Variants in CCM2 observed in about 807,000 individuals in gnomAD.
CCM2 encodes cerebral cavernous malformations 2 protein.
Under a neutral mutation model 44.9 loss-of-function variants are expected in CCM2, and 25 were observed. The observed-to-expected ratio is 0.56, with a 90% confidence interval of 0.41 to 0.78. CCM2 has a LOEUF of 0.78. CCM2 is among the 30% of genes least tolerant of loss of function. CCM2 has a pLI of 0.00. For missense variants in CCM2, 481 were observed against 580.6 expected, an observed-to-expected ratio of 0.83 and a Z score of 1.76; for synonymous variants, 219 against 241.1, an observed-to-expected ratio of 0.91 and a Z score of 0.85.
chr7:45,070,700 G>C (rs1799026182), intron 6 of CCM2: 1 of 231,808 alleles, frequency 4.3e-6, no homozygotes, highest in Non-Finnish European at 8.9e-6. Context: ...TGTAATCCCA[G>C]CACTTTGGGA....
intron 1 of CCM2, among the ~76,000 whole-genome samples, chr7:45,018,639 C>T (rs1796359323): frequency 1.3e-5 from 2 of 151,980 alleles, no homozygotes; most frequent in East Asian, 1.9e-4. Flanking sequence ...AGCCACCATG[C>T]CCAGCTTCTT....
intron 1 of CCM2, among the ~76,000 whole-genome samples, chr7:45,017,804 A>G (rs1396483453): frequency 2.0e-5 from 3 of 152,206 alleles, no homozygotes; most frequent in African/African-American, 7.2e-5. Flanking sequence ...GCTGGAACCA[A>G]AACAGGCTTT....
intron 6 of CCM2, 175 bp from the exon 7 acceptor site, chr7:45,072,551 C>T (rs1191728461): frequency 5.8e-6 from 4 of 685,038 alleles, no homozygotes; most frequent in African/African-American, 1.8e-5. Context: ...TCTGGGAAGC[C>T]CTGCCCTGAG....
intron 8 of CCM2, chr7:45,073,785 T>G: frequency 1.7e-6 from 1 of 579,908 alleles, no homozygotes; most frequent in Non-Finnish European, 3.1e-6. Context: ...GGGAGTGCTG[T>G]GGCCGTCAGG....
chr7:45,069,650 C>G (rs947328509), intron 5 of CCM2, among the ~76,000 whole-genome samples, 176 bp from the exon 6 acceptor site: 2 of 152,234 alleles, frequency 1.3e-5, no homozygotes, highest in Admixed American at 1.3e-4. Flanking sequence ...GGGCAGTTGG[C>G]TGGGTCTCTC....
chr7:45,064,542 C>T lies in CCM2; in HGVS notation c.368C>T (p.Ala123Val), dbSNP rs752321250. 2.5e-6 allele frequency: 4 copies of T among 1,613,828 alleles called. No individual in the cohort carries two copies. Among genetic ancestry groups the T allele is most frequent in the African/African-American group, 2.7e-5 (2 of 74,894 alleles). The part of the protein sequence containing the change: ...LSLSAYNVKL[A>V]WRDGEDIILR... The stretch of plus-strand genomic sequence containing the variant: ...CTGTCTGCGTACAACGTCAAGCTGG[C>T]CTGGAGGGACGGGGAGGATATCATC... The change falls in exon 4 of 10, where the codon GCC becomes GTC. Residue 123 changes from alanine to valine, a missense_variant. Ala to Val is a moderately conservative substitution (Grantham distance 64, BLOSUM62 0). Transcript: ENST00000258781.
At chr7:45,048,315 A>G (rs1797852526) in intron 2 of CCM2, among the ~76,000 whole-genome samples, 1 of 152,250 alleles carries the variant, frequency 6.6e-6, no homozygotes, top group South Asian at 2.1e-4. Context: ...CACCAGTGAT[A>G]GGAGACATTT....
At chr7:45,047,014 A>G (rs1447625692) in intron 2 of CCM2, among the ~76,000 whole-genome samples, 2 of 152,244 alleles carry the variant, frequency 1.3e-5, no homozygotes, top group East Asian at 1.9e-4. Context: ...CATTAAAACC[A>G]TAATGAGCTG....
chr7:45,013,114 C>G (rs1442943862), intron 1 of CCM2, among the ~76,000 whole-genome samples: 1 of 151,950 alleles, frequency 6.6e-6, no homozygotes, highest in Non-Finnish European at 1.5e-5. Flanking sequence ...TTGCTACTGG[C>G]TTTTTTGCTG....
rs371498958 is a variant in CCM2 at position 45,076,000 on chromosome 7, G to A, written c.1278G>A (p.Ser426=). Residue 426 remains serine (S), a synonymous_variant, in exon 10 of 10, where the codon TCG becomes TCA. Coordinates refer to ENST00000258781, the MANE Select transcript of CCM2 (RefSeq NM_031443.4). Reference sequence around the variant, plus strand: ...GGGATGAGTGGGACCGCATGATCTCGGACATCAGCAGCGACATTGAGGCGC... The same window carrying A: ...GGGATGAGTGGGACCGCATGATCTCAGACATCAGCAGCGACATTGAGGCGC... ...SEGDEWDRMI[S]DISSDIEALG... 13 of 1,612,976 alleles carry A rather than the reference G, an allele frequency of 8.1e-6. No homozygotes were observed. The highest frequency in any genetic ancestry group is 2.7e-5 in the African/African-American group (2 of 74,916).
intron 2 of CCM2, among the ~76,000 whole-genome samples, chr7:45,047,040 CAG>C (rs1311085916): frequency 3.3e-5 from 5 of 152,096 alleles, no homozygotes; most frequent in African/African-American, 9.7e-5. Flanking sequence ...ACACACCTAA[CAG>C]AATGTTTAAA....
At chr7:45,039,088 A>G (rs1291809552) in intron 2 of CCM2, among the ~76,000 whole-genome samples, 1 of 152,194 alleles carries the variant, frequency 6.6e-6, no homozygotes, top group African/African-American at 2.4e-5. Context: ...GAGGACCCAG[A>G]GTCCAGGGGG....
chr7:45,009,040 G>A (rs182109525), intron 1 of CCM2, among the ~76,000 whole-genome samples: 8 of 152,152 alleles, frequency 5.3e-5, no homozygotes, highest in East Asian at 3.9e-4. Context: ...CGGTGCTCAC[G>A]CCTCTAATCC....
intron 2 of CCM2, among the ~76,000 whole-genome samples, chr7:45,057,960 C>T (rs1038375136): frequency 1.3e-5 from 2 of 152,202 alleles, no homozygotes; most frequent in African/African-American, 4.8e-5. Flanking sequence ...TATTTGCCAC[C>T]GTGCCCTGAG....
At position 45,075,914 on chromosome 7, in the gene CCM2, T is replaced by G. The variant is rs1281714890; in HGVS notation, c.1192T>G (p.Ser398Ala). 1 of 1,613,168 alleles carries G rather than the reference T, an allele frequency of 6.2e-7. No homozygotes were observed. The highest frequency in any genetic ancestry group is 1.7e-5 in the Admixed American group (1 of 60,026). ...GCGGGCCCTGAGCACCACATCCAGT[T>G]CCACCACCAATGGGAACAGGGCCAC... ...HRRALSTTSS[S>A]TTNGNRATGS... The change falls in exon 10 of 10, where the codon TCC becomes GCC. Residue 398 changes from serine (S) to alanine (A), a missense_variant. Transcript: ENST00000258781.
At chr7:45,073,649 A>G in intron 8 of CCM2, 78 bp downstream of exon 8, 1 of 1,027,850 alleles carries the variant, frequency 9.7e-7, no homozygotes, top group Middle Eastern at 2.5e-4. Flanking sequence ...GGGGAGGAGG[A>G]GGAGGAGCAG....
intron 1 of CCM2, among the ~76,000 whole-genome samples, chr7:45,001,355 A>C (rs937438589): frequency 1.3e-5 from 2 of 152,232 alleles, no homozygotes; most frequent in African/African-American, 4.8e-5. Context: ...GGTGCAGTAT[A>C]ATTTGCGGTT....
At chr7:45,074,807 A>C (rs1005075803) in intron 9 of CCM2, among the ~76,000 whole-genome samples, 29 of 152,280 alleles carry the variant, frequency 1.9e-4, no homozygotes, top group Non-Finnish European at 1.6e-4. Flanking sequence ...AGGCGGAAGG[A>C]CCAGCGTTTG....
intron 1 of CCM2, among the ~76,000 whole-genome samples, chr7:45,034,339 G>A (rs2128726298): frequency 6.6e-6 from 1 of 152,116 alleles, no homozygotes. Context: ...AGCCTCCTGA[G>A]TAGCTGGGAT....
Sources: allele counts gnomAD v4.1 joint callset (sites outside exome capture counted in the v4.1 genomes callset), GRCh38; gene constraint gnomAD v4.1.1; transcripts MANE v1.5; gene names NCBI Gene and HGNC (gene_info 2026-07-23, HGNC 2026-07-21).